The following BRINP3 variants were observed in gnomAD, a reference collection of about 807,000 sequenced individuals.
BRINP3 encodes BMP/retinoic acid inducible neural specific 3.
Under a neutral mutation model 71.0 loss-of-function variants are expected in BRINP3, and 19 were observed. The observed-to-expected ratio is 0.27, with a 90% CI of 0.19 to 0.39. The LOEUF is 0.39. BRINP3 is among the 10% of genes least tolerant of loss of function. BRINP3 has a pLI of 1.00. For synonymous variants in BRINP3, 380 were observed against 337.7 expected (o/e 1.13, Z -1.37); for missense variants, 959 against 940.8 (o/e 1.02, Z -0.25).
At chr1:190,327,352 G>GAAAAAAAAAAAAAAAAAAAAAAAAAAA (rs796445574) in intron 2 of BRINP3, among the ~76,000 whole-genome samples, 6 of 77,426 alleles carry the variant, frequency 7.7e-5, no homozygotes, top group Non-Finnish European at 1.4e-4. Context: ...AAAAAAAAAG[G>GAAAAAAAAAAAAAAAAAAAAAAAAAAA]AAAAAAAAAA....
At chr1:190,313,657 T>C (rs979175618) in intron 2 of BRINP3, among the ~76,000 whole-genome samples, 1 of 152,048 alleles carries the variant, frequency 6.6e-6, no homozygotes, top group African/African-American at 2.4e-5. Context: ...CTCTGATAAG[T>C]ACTGTCTGCA....
At chr1:190,123,407 C>T (rs752871768) in intron 7 of BRINP3, among the ~76,000 whole-genome samples, 1 of 152,078 alleles carries the variant, frequency 6.6e-6, no homozygotes, top group Non-Finnish European at 1.5e-5. Flanking sequence ...CTATGAAAAG[C>T]AATACACTAA....
intron 6 of BRINP3, among the ~76,000 whole-genome samples, chr1:190,182,725 T>C (rs575176914): frequency 1.2e-4 from 19 of 152,186 alleles, no homozygotes; most frequent in African/African-American, 4.3e-4. Context: ...GCTAGGCACA[T>C]CAGATAATAT....
chr1:190,311,768 GAGA>G (rs1290309449), intron 2 of BRINP3, among the ~76,000 whole-genome samples: 2 of 150,650 alleles, frequency 1.3e-5, no homozygotes, highest in Admixed American at 6.7e-5. Context: ...ACTAAAGATA[GAGA>G]AGAAGAAAGA....
chr1:190,348,370 T>C (rs1049361800), intron 2 of BRINP3, among the ~76,000 whole-genome samples: 2 of 152,126 alleles, frequency 1.3e-5, no homozygotes, highest in African/African-American at 4.8e-5. Context: ...ATTTGATTAG[T>C]GTCAAAATGT....
intron 2 of BRINP3, among the ~76,000 whole-genome samples, chr1:190,434,779 A>G (rs1674345564): frequency 1.3e-5 from 2 of 152,148 alleles, no homozygotes; most frequent in Non-Finnish European, 2.9e-5. Flanking sequence ...AATTAATTTT[A>G]TTTGCCTTGA....
At chr1:190,344,029 A>G (rs959104852) in intron 2 of BRINP3, among the ~76,000 whole-genome samples, 1 of 151,818 alleles carries the variant, frequency 6.6e-6, no homozygotes, top group Non-Finnish European at 1.5e-5. Flanking sequence ...AAAAATATAC[A>G]AAAAGTAAAT....
intron 6 of BRINP3, among the ~76,000 whole-genome samples, chr1:190,191,354 T>C (rs928580146): frequency 6.6e-6 from 1 of 152,084 alleles, no homozygotes; most frequent in African/African-American, 2.4e-5. Flanking sequence ...GGTATACGTG[T>C]GCCATGGTAG....
intron 2 of BRINP3, among the ~76,000 whole-genome samples, chr1:190,324,184 G>T (rs541321529): frequency 6.6e-6 from 1 of 152,044 alleles, no homozygotes; most frequent in Admixed American, 6.6e-5. Flanking sequence ...TAGCAAAAAA[G>T]AAAGATCATT....
intron 2 of BRINP3, among the ~76,000 whole-genome samples, chr1:190,298,858 C>T (rs1438743435): frequency 6.6e-6 from 1 of 152,064 alleles, no homozygotes; most frequent in Non-Finnish European, 1.5e-5. Context: ...TATATCCTTG[C>T]TGACTTTTCA....
At chr1:190,189,770 T>A (rs956596429) in intron 6 of BRINP3, among the ~76,000 whole-genome samples, 3 of 152,166 alleles carry the variant, frequency 2.0e-5, no homozygotes, top group Non-Finnish European at 2.9e-5. Flanking sequence ...CTTTAGGCCA[T>A]ATTATTTTGT....
intron 6 of BRINP3, among the ~76,000 whole-genome samples, chr1:190,190,365 GA>G (rs1263500001): frequency 6.6e-6 from 1 of 152,096 alleles, no homozygotes; most frequent in African/African-American, 2.4e-5. Context: ...TGGGTAATGT[GA>G]AAGTGTTCTT....
chr1:190,198,706 A>G (rs1355050086), intron 6 of BRINP3, among the ~76,000 whole-genome samples: 1 of 152,074 alleles, frequency 6.6e-6, no homozygotes, highest in Non-Finnish European at 1.5e-5. Context: ...CCTCATCTCC[A>G]TCTGAGACCA....
At chr1:190,422,463 T>C (rs1673447739) in intron 2 of BRINP3, among the ~76,000 whole-genome samples, 3 of 151,784 alleles carry the variant, frequency 2.0e-5, no homozygotes, top group African/African-American at 4.8e-5. Context: ...TCAAAGCAAC[T>C]CTTGATGAAA....
intron 2 of BRINP3, among the ~76,000 whole-genome samples, chr1:190,330,400 T>A (rs1666887930): frequency 6.6e-6 from 1 of 151,956 alleles, no homozygotes; most frequent in South Asian, 2.1e-4. Flanking sequence ...TCACTAATCA[T>A]CAAAGCAATG....
intron 2 of BRINP3, among the ~76,000 whole-genome samples, chr1:190,305,771 A>C (rs1571695974): frequency 6.6e-6 from 1 of 151,844 alleles, no homozygotes. Context: ...TGTAGATTTC[A>C]AAAAAGCTAG....
chr1:190,144,225 C>T (rs554848713), intron 7 of BRINP3, among the ~76,000 whole-genome samples: 1 of 152,258 alleles, frequency 6.6e-6, no homozygotes, highest in East Asian at 1.9e-4. Context: ...TAAACTGGCT[C>T]ATAGCTAGTA....
chr1:190,308,814 TG>T (rs770710322), intron 2 of BRINP3, among the ~76,000 whole-genome samples: 10 of 151,974 alleles, frequency 6.6e-5, no homozygotes, highest in Non-Finnish European at 1.3e-4. Context: ...AATGTATATA[TG>T]TTTATATGTG....
At chr1:190,255,483 G>A (rs1215312663) in intron 4 of BRINP3, among the ~76,000 whole-genome samples, 1 of 152,086 alleles carries the variant, frequency 6.6e-6, no homozygotes, top group African/African-American at 2.4e-5. Context: ...TCTATTCAGA[G>A]ATTCAACTTC....
Sources: gnomAD v4.1 joint callset for allele counts (sites outside exome capture counted in the v4.1 genomes callset) on GRCh38, gnomAD v4.1.1 for gene constraint, MANE v1.5 for transcripts, NCBI Gene and HGNC (gene_info 2026-07-23, HGNC 2026-07-21) for gene names.